PDE10A: variants seen among roughly 807,000 people sequenced by gnomAD.
PDE10A encodes the protein cAMP and cAMP-inhibited cGMP 3',5'-cyclic phosphodiesterase 10A.
PDE10A carries 39 observed loss-of-function variants against 97.7 expected under a neutral mutation model. That is an observed-to-expected ratio of 0.40 (90% CI 0.31 to 0.52). PDE10A has a LOEUF of 0.52. PDE10A is among the 20% of genes least tolerant of loss of function. PDE10A has a pLI of 0.56. For synonymous variants in PDE10A, 371 were observed against 376.8 expected, an observed-to-expected ratio of 0.98 and a Z score of 0.18; for missense variants, 731 against 1,047.8, an observed-to-expected ratio of 0.70 and a Z score of 4.17.
chr6:165,487,111 A>G (rs1214756332), intron 2 of PDE10A, among the ~76,000 whole-genome samples: 2 of 152,236 alleles, frequency 1.3e-5, no homozygotes, highest in Non-Finnish European at 2.9e-5. Context: ...AAGAGGATCA[A>G]CTGCTTGAGA....
chr6:165,449,389 T>C (rs985452783), intron 4 of PDE10A, among the ~76,000 whole-genome samples: 1 of 152,226 alleles, frequency 6.6e-6, no homozygotes, highest in South Asian at 2.1e-4. Flanking sequence ...TGTATTCATC[T>C]ATAATTGTCA....
intron 1 of PDE10A, among the ~76,000 whole-genome samples, chr6:165,980,259 C>T (rs1256110491): frequency 6.6e-6 from 1 of 152,210 alleles, no homozygotes; most frequent in South Asian, 2.1e-4. Context: ...AAGAAAATTA[C>T]AGCAGGTATG....
chr6:165,592,682 C>A (rs897361676), intron 1 of PDE10A, among the ~76,000 whole-genome samples: 1 of 151,940 alleles, frequency 6.6e-6, no homozygotes, highest in African/African-American at 2.4e-5. Context: ...ATGTGGCCAA[C>A]AAACATATGA....
chr6:165,336,318 A>G (rs1322479609), intron 20 of PDE10A, 107 bp from the exon 21 acceptor site: 28 of 738,414 alleles, frequency 3.8e-5, no homozygotes, highest in Non-Finnish European at 5.1e-5. Context: ...CCTAATTATA[A>G]AATTGCATGT....
Position 165,853,533 on chromosome 6 carries a change from T to C in PDE10A, c.-615+133996A>G, listed in dbSNP as rs116890911. Among the ~76,000 whole-genome samples, 769 of 152,368 alleles carry C rather than the reference T, an allele frequency of 5.0e-3. 1 individual carries two copies. Among genetic ancestry groups the C allele is most frequent in the Non-Finnish European group, 8.3e-3 (566 of 68,038 alleles). On this transcript the variant is annotated intron_variant, in intron 1 of 19. Coordinates refer to the PDE10A transcript ENST00000366882. ...GATTTCCATTCAGGATATTATTTTG[T>C]ATATTATAGTGAGTTCATATACGTA...
intron 1 of PDE10A, among the ~76,000 whole-genome samples, chr6:165,848,226 G>A (rs780147430): frequency 9.9e-5 from 15 of 152,260 alleles, no homozygotes; most frequent in South Asian, 2.1e-4. Flanking sequence ...CCTATGTGGC[G>A]GGAATTGTTC....
At chr6:165,904,227 G>C (rs965083495) in intron 1 of PDE10A, among the ~76,000 whole-genome samples, 23 of 152,202 alleles carry the variant, frequency 1.5e-4, no homozygotes, top group African/African-American at 5.5e-4. Context: ...TCTTTGAGAA[G>C]AGAGAGGGGA....
At chr6:165,770,424 A>G (rs565977409) in intron 1 of PDE10A, among the ~76,000 whole-genome samples, 35 of 152,324 alleles carry the variant, frequency 2.3e-4, no homozygotes, top group African/African-American at 8.2e-4. Flanking sequence ...CTCCATATCC[A>G]CTTCATAAAT....
At chr6:165,616,258 C>G (rs575325248) in intron 1 of PDE10A, among the ~76,000 whole-genome samples, 1 of 152,048 alleles carries the variant, frequency 6.6e-6, no homozygotes, top group Non-Finnish European at 1.5e-5. Context: ...ACTGACAAAA[C>G]GATTCTGAAA....
chr6:165,571,047 C>G (rs1403569820), intron 1 of PDE10A, among the ~76,000 whole-genome samples: 1 of 152,174 alleles, frequency 6.6e-6, no homozygotes, highest in Non-Finnish European at 1.5e-5. Flanking sequence ...ATCAACTGTA[C>G]TTTCACACAC....
intron 1 of PDE10A, among the ~76,000 whole-genome samples, chr6:165,932,235 G>A (rs985250907): frequency 3.9e-5 from 6 of 152,138 alleles, no homozygotes; most frequent in Non-Finnish European, 7.4e-5. Flanking sequence ...CAAGTCTTGA[G>A]GTTAATAAGG....
At chr6:165,734,260 C>T (rs1044935080) in intron 1 of PDE10A, among the ~76,000 whole-genome samples, 5 of 152,106 alleles carry the variant, frequency 3.3e-5, no homozygotes, top group Admixed American at 1.3e-4. Context: ...GGGTGGGCTT[C>T]GGGGAGGTGA....
At chr6:165,818,205 C>G (rs1379622889) in intron 1 of PDE10A, among the ~76,000 whole-genome samples, 1 of 151,564 alleles carries the variant, frequency 6.6e-6, no homozygotes, top group Non-Finnish European at 1.5e-5. Flanking sequence ...TCATCCCATT[C>G]CATCTCCTCC....
intron 1 of PDE10A, among the ~76,000 whole-genome samples, chr6:165,953,452 G>T (rs1184996401): frequency 4.6e-5 from 7 of 152,076 alleles, no homozygotes; most frequent in Non-Finnish European, 1.0e-4. Flanking sequence ...TTAGCCGGGT[G>T]TGGTGGCGCA....
At chr6:165,611,617 C>A (rs1174378670) in intron 1 of PDE10A, among the ~76,000 whole-genome samples, 3 of 152,246 alleles carry the variant, frequency 2.0e-5, no homozygotes, top group African/African-American at 7.2e-5. Flanking sequence ...AACCTCTGAG[C>A]AATCAATTGC....
chr6:165,642,117 G>A (rs1471547937), intron 1 of PDE10A, among the ~76,000 whole-genome samples: 2 of 152,198 alleles, frequency 1.3e-5, no homozygotes, highest in Non-Finnish European at 2.9e-5. Flanking sequence ...CACGCCTGCA[G>A]TTAAAGATGT....
chr6:165,968,071 A>T (rs1336976364), intron 1 of PDE10A, among the ~76,000 whole-genome samples: 2 of 152,234 alleles, frequency 1.3e-5, no homozygotes, highest in Non-Finnish European at 2.9e-5. Context: ...ATCATACAAA[A>T]TATGTAGGGA....
intron 1 of PDE10A, among the ~76,000 whole-genome samples, chr6:165,887,975 A>G (rs1781674673): frequency 6.6e-6 from 1 of 151,866 alleles, no homozygotes; most frequent in Admixed American, 6.6e-5. Context: ...ACCCTGTTCC[A>G]TTCCCTCTCC....
chr6:165,832,433 T>C (rs991864192), intron 1 of PDE10A, among the ~76,000 whole-genome samples: 13 of 148,550 alleles, frequency 8.8e-5, no homozygotes, highest in Admixed American at 6.7e-4. Flanking sequence ...AAAAAAAAAA[T>C]TGGTGTGTGT....
Sources: allele counts gnomAD v4.1 joint callset (sites outside exome capture counted in the v4.1 genomes callset), GRCh38; gene constraint gnomAD v4.1.1; transcripts MANE v1.5; gene names NCBI Gene and HGNC (gene_info 2026-07-23, HGNC 2026-07-21).